Variants in HEXD observed in about 807,000 individuals in gnomAD.
The protein encoded by HEXD is N-acetyl-beta-galactosaminidase.
In HEXD, 47 loss-of-function variants were observed where a neutral mutation model predicts 54.2. That is an observed-to-expected ratio of 0.87 (90% CI 0.69 to 1.11). The LOEUF (loss-of-function observed/expected upper bound fraction) is 1.11. HEXD is among the 50% of genes least tolerant of loss of function. The probability of loss-of-function intolerance (pLI) is 0.00; values close to 1 mark genes in which losing one functional copy is unlikely to be tolerated. For missense variants in HEXD, 576 were observed against 649.2 expected (o/e 0.89, Z 1.23); for synonymous variants, 293 against 287.6 (o/e 1.02, Z -0.19).
intron 2 of HEXD, among the ~76,000 whole-genome samples, chr17:82,420,825 C>A (rs1033891827): frequency 7.2e-5 from 11 of 152,176 alleles, no homozygotes; most frequent in African/African-American, 2.2e-4. Context: ...CTCAGCCTCC[C>A]AAAGTGCTAG....
rs954504254 is a variant in HEXD, at chr17:82,418,718, C to G, written c.-74C>G. 1.9e-5 allele frequency: 3 copies of G among 155,404 alleles called. No homozygotes were observed. The highest frequency in any genetic ancestry group is 7.2e-5 in the African/African-American group (3 of 41,386). 9.6% of individuals were successfully genotyped at this position (155,404 alleles called of 1,614,324 possible). On this transcript the variant is annotated 5_prime_UTR_variant, in exon 1 of 13. Coordinates refer to ENST00000327949, the MANE Select transcript of HEXD (RefSeq NM_001330542.2). Reference sequence around the variant, plus strand: ...GCCGGGCCTGGCTGCGCCCCCGGACCTCGCGGGACCGCGGCGGCGCAGGTG... The same window carrying G: ...GCCGGGCCTGGCTGCGCCCCCGGACGTCGCGGGACCGCGGCGGCGCAGGTG...
At position 82,442,350 on chromosome 17, in the gene HEXD, C is replaced by A; in HGVS notation, c.1427C>A (p.Thr476Asn). The change falls in exon 13 of 13, where the codon ACC (threonine) becomes AAC (asparagine). Residue 476 changes from threonine (T) to asparagine (N), a missense_variant. Physicochemically the swap from Thr to Asn is moderately conservative, Grantham distance 65. Coordinates refer to ENST00000327949, the MANE Select transcript of HEXD (RefSeq NM_001330542.2). The surrounding 1 kb of genome is among the most constrained non-coding windows in gnomAD (Gnocchi z 6.8). ...GTGTCTGCCCCCCCGCTGCCACCCA[C>A]CAGCCCTGGCAGGGACGTTGCTCAG... ...SEVSAPPLPP[T>N]SPGRDVAQDP is the part of the protein sequence containing the mutation. 2 of 1,611,192 alleles carry A rather than the reference C, an allele frequency of 1.2e-6. No individual in the cohort carries two copies. Among genetic ancestry groups the A allele is most frequent in the Non-Finnish European group, 8.5e-7 (1 of 1,179,262 alleles).
In HEXD at chr17:82,433,091, AAT is replaced by A. The variant is rs1555617646; in HGVS notation, c.283-530_283-529del. Reference sequence around the variant, plus strand: ...AAAAAAAAAAAGAAAAAAAAAAAAAAATATATATATATATATATATATATATA... The same window carrying A: ...AAAAAAAAAAAGAAAAAAAAAAAAAAATATATATATATATATATATATATA... On this transcript the variant is annotated intron_variant, in intron 4 of 12. Coordinates refer to ENST00000327949, the MANE Select transcript of HEXD (RefSeq NM_001330542.2). 4.2e-3 allele frequency among the ~76,000 whole-genome samples: 56 copies of A among 13,232 alleles called. 2 individuals carry two copies. Among genetic ancestry groups the A allele is most frequent in the Admixed American group, 5.0e-3 (3 of 596 alleles). The allele number at this position is 13,232 out of a possible 152,430, so 8.7% of individuals were successfully genotyped here. A position where few individuals can be genotyped will look rare whatever the true frequency, so the allele number is the denominator to read the frequency against.
Position 82,436,717 on chromosome 17 carries a change from G to T in HEXD, c.682G>T (p.Asp228Tyr), listed in dbSNP as rs370620172. ...VEPVLWDYTA[D>Y]LDVHGKVLLM... ...GCCGGTGCTCTGGGACTACACGGCC[G>T]ACCTGGATGTGCACGGCAAGGGTCA... The change falls in exon 7 of 13, where the codon GAC becomes TAC. Residue 228 changes from aspartate (D) to tyrosine (Y), a missense_variant. Physicochemically the swap from Asp to Tyr is radical, Grantham distance 160 (BLOSUM62 -3). Transcript: ENST00000327949. 1 of 1,612,526 alleles carries T rather than the reference G, an allele frequency of 6.2e-7. No homozygotes were observed. The highest frequency in any genetic ancestry group is 8.5e-7 in the Non-Finnish European group (1 of 1,179,604).
Position 82,442,103 on chromosome 17 carries a change from G to A in HEXD, c.1254-74G>A. The A allele has an allele frequency of 6.6e-7, 1 of 1,525,408 alleles. No individual in the cohort carries two copies. Among genetic ancestry groups the A allele is most frequent in the Non-Finnish European group, 8.9e-7 (1 of 1,126,450 alleles). 94.5% of individuals were successfully genotyped at this position (1,525,408 alleles called of 1,614,324 possible). A position where few individuals can be genotyped will look rare whatever the true frequency, so the allele number is the denominator to read the frequency against. On this transcript the variant is annotated intron_variant, in intron 12 of 12. Coordinates refer to ENST00000327949, the MANE Select transcript of HEXD (RefSeq NM_001330542.2). The surrounding 1 kb of genome is among the most constrained non-coding windows in gnomAD (Gnocchi z 6.8). The stretch of plus-strand genomic sequence containing the variant: ...ATTTCACAGGTGAACTGAGGCACAG[G>A]GCAGTACTGACCATGGGGCTGAGGG...
chr17:82,424,825 CAGAAGGTTAG>C (rs537370226), intron 3 of HEXD, among the ~76,000 whole-genome samples: 465 of 152,200 alleles, frequency 3.1e-3, no homozygotes, highest in Admixed American at 5.0e-3. Flanking sequence ...GGCTGGACTA[CAGAAGGTTAG>C]AGAAGGTTAG....
At chr17:82,440,631 T>A in intron 9 of HEXD, 1 of 338,872 alleles carries the variant, frequency 3.0e-6, no homozygotes, top group South Asian at 2.6e-5. Context: ...TCGGGTGCTC[T>A]AGAATATTCC....
At chr17:82,419,578 T>C (rs560711599) in intron 1 of HEXD, among the ~76,000 whole-genome samples, 171 bp from the exon 2 acceptor site, 1 of 152,264 alleles carries the variant, frequency 6.6e-6, no homozygotes, top group Non-Finnish European at 1.5e-5. Flanking sequence ...GAGGTCTCTA[T>C]ATCTTAACAT....
chr17:82,431,594 A>G (rs1188251457), intron 4 of HEXD, among the ~76,000 whole-genome samples: 1 of 151,978 alleles, frequency 6.6e-6, no homozygotes, highest in Non-Finnish European at 1.5e-5. Flanking sequence ...TTGTCTTCTT[A>G]GTAGAGACGG....
At chr17:82,441,615 C>T (rs541397095) in intron 11 of HEXD, among the ~76,000 whole-genome samples, 185 bp from the exon 12 acceptor site, 2 of 152,038 alleles carry the variant, frequency 1.3e-5, no homozygotes, top group African/African-American at 4.8e-5. Flanking sequence ...TGGTGAGGGG[C>T]AGGTTCACAA....
In HEXD at chr17:82,437,323, A is replaced by G. The variant is rs1369455100; in HGVS notation, c.859A>G (p.Thr287Ala). The G allele has an allele frequency of 6.2e-7, 1 of 1,610,820 alleles. No homozygotes were observed. Among genetic ancestry groups the G allele is most frequent in the Admixed American group, 1.7e-5 (1 of 59,886 alleles). The change falls in exon 8 of 13, where the codon ACG becomes GCG. Residue 287 changes from threonine to alanine, a missense_variant. Transcript: ENST00000327949. ...QWLQVAGSGP[T>A]DSLQGIILTG... ...GCTGCAGGTGGCGGGCAGCGGGCCC[A>G]CGGACTCACTGCAGGGCATCATCCT...
At chr17:82,419,276 G>C (rs1468680294) in intron 1 of HEXD, among the ~76,000 whole-genome samples, 1 of 152,168 alleles carries the variant, frequency 6.6e-6, no homozygotes, top group African/African-American at 2.4e-5. Flanking sequence ...CCTGGAGTCA[G>C]TTTTGCAGTT....
At chr17:82,428,265 G>A (rs149460851) in intron 3 of HEXD, 203 of 259,724 alleles carry the variant, frequency 7.8e-4, no homozygotes, top group African/African-American at 4.4e-3. Context: ...GATTACAGGC[G>A]TGAGCCACTG....
intron 4 of HEXD, among the ~76,000 whole-genome samples, chr17:82,431,789 GAGTC>G (rs1294980827): frequency 6.6e-6 from 1 of 152,180 alleles, no homozygotes; most frequent in Non-Finnish European, 1.5e-5. Flanking sequence ...TGGGCCCTGA[GAGTC>G]AGAGTCTGTG....
rs777822356 is a variant in HEXD, at chr17:82,441,803, T to C, written c.1167T>C (p.Tyr389=). Residue 389 remains tyrosine (Y), a synonymous_variant, in exon 12 of 13, where the codon TAT becomes TAC. Transcript: ENST00000327949. ...CCCCTATGTGGATTTGCCCCAGGTA[T>C]GTCACTGGCTGGTTCAGCCCCTACC... ...SVDALLEGNR[Y]VTGWFSPYHR... is the part of the protein sequence containing the mutation. 1.9e-6 allele frequency: 3 copies of C among 1,613,324 alleles called. No individual in the cohort carries two copies. The highest frequency in any genetic ancestry group is 2.5e-6 in the Non-Finnish European group (3 of 1,179,916).
intron 8 of HEXD, among the ~76,000 whole-genome samples, chr17:82,439,167 A>G (rs558563543): frequency 1.3e-5 from 2 of 152,248 alleles, no homozygotes; most frequent in Admixed American, 6.5e-5. Flanking sequence ...CGCCCTCCTC[A>G]TGGGGCCTTG....
chr17:82,439,468 G>A (rs1370861419), intron 8 of HEXD, 163 bp from the exon 9 acceptor site: 3 of 985,326 alleles, frequency 3.0e-6, no homozygotes, highest in Non-Finnish European at 3.6e-6. Context: ...CACAGAACCT[G>A]TCTTGGAAAC....
At chr17:82,430,664 C>T (rs1258378493) in intron 4 of HEXD, among the ~76,000 whole-genome samples, 1 of 152,218 alleles carries the variant, frequency 6.6e-6, no homozygotes, top group Non-Finnish European at 1.5e-5. Context: ...ACTGGGATTA[C>T]AGGCGTGAGC....
rs1164264650 is a variant in HEXD at position 82,441,860 on chromosome 17, G to C, written c.1224G>C (p.Met408Ile). The change falls in exon 12 of 13, where the codon ATG becomes ATC. Residue 408 changes from methionine (M) to isoleucine (I), a missense_variant. Coordinates refer to ENST00000327949, the MANE Select transcript of HEXD (RefSeq NM_001330542.2). ...AGCGGAAGCTCATCCACCCGGTCAT[G>C]GTTCAGCACATCCAGCCCGCAGCGC... ...HRQRKLIHPV[M>I]VQHIQPAALS... 1.9e-6 allele frequency: 3 copies of C among 1,613,220 alleles called. No homozygotes were observed. Among genetic ancestry groups the C allele is most frequent in the African/African-American group, 2.7e-5 (2 of 74,884 alleles).
Sources: allele counts gnomAD v4.1 joint callset (sites outside exome capture counted in the v4.1 genomes callset), GRCh38; gene constraint gnomAD v4.1.1; non-coding constraint Gnocchi (gnomAD v3.1); transcripts MANE v1.5; gene names NCBI Gene and HGNC (gene_info 2026-07-23, HGNC 2026-07-21).